Variants in MEGF8 observed in about 807,000 individuals in gnomAD.
MEGF8 encodes the protein multiple epidermal growth factor-like domains protein 8.
MEGF8 carries 156 observed loss-of-function variants against 302.9 expected under a neutral mutation model. The ratio of observed to expected loss-of-function variants is 0.52; its 90% CI spans 0.45 to 0.59. The LOEUF (loss-of-function observed/expected upper bound fraction) is 0.59. MEGF8 is among the 20% of genes least tolerant of loss of function. The probability of loss-of-function intolerance (pLI) is 0.00; values close to 1 mark genes in which losing one functional copy is unlikely to be tolerated. For synonymous variants in MEGF8, 1,621 were observed against 1,660.5 expected (o/e 0.98, Z 0.58); for missense variants, 3,345 against 3,964.5 (o/e 0.84, Z 4.20).
intron 31 of MEGF8, 92 bp from the exon 32 acceptor site, chr19:42,360,683 T>A: frequency 6.5e-7 from 1 of 1,526,728 alleles, no homozygotes; most frequent in South Asian, 1.2e-5. Context: ...TTCTCCTCTT[T>A]CCCTGCATCC....
At chr19:42,337,882 C>T (rs562708858) in intron 8 of MEGF8, among the ~76,000 whole-genome samples, 4 of 152,138 alleles carry the variant, frequency 2.6e-5, no homozygotes, top group Non-Finnish European at 2.9e-5. Flanking sequence ...CAGCTCACTG[C>T]GACCTCCACC....
Position 42,370,817 on chromosome 19 carries a change from C to G in MEGF8, c.7122C>G (p.Asp2374Glu), listed in dbSNP as rs765312333. 1.0e-6 allele frequency: 1 copy of G among 959,096 alleles called. No individual in the cohort carries two copies. The allele number at this position is 959,096 out of a possible 1,614,324, so 59.4% of individuals were successfully genotyped here. ...GCCTGCAGGGCTACTTCCTCCTGGA[C>G]GGGAAGTGCACCAAGTAAGAGGAAC... ...ESCLQGYFLL[D>E]GKCTKCQCNG... Residue 2374 changes from aspartate (D) to glutamate (E), a missense_variant, in exon 40 of 42, where the codon GAC (aspartate) becomes GAG (glutamate). Coordinates refer to ENST00000251268, the MANE Select transcript of MEGF8 (RefSeq NM_001271938.2).
In MEGF8 at chr19:42,343,460, G is replaced by C. The variant is rs572959845; in HGVS notation, c.1514-17G>C. ...GCTGGGGGTCTAATAATGTCATTGG[G>C]GTCTCTATTCCCCTAGGCCGAGCAG... is the stretch of plus-strand genomic sequence containing the variant. On this transcript the variant is annotated splice_polypyrimidine_tract_variant and intron_variant, in intron 8 of 41. Coordinates refer to ENST00000251268, the MANE Select transcript of MEGF8 (RefSeq NM_001271938.2). 54 of 1,575,846 alleles carry C rather than the reference G, an allele frequency of 3.4e-5. 2 individuals carry two copies. The South Asian group carries it at 6.1e-4, about 18-fold the overall frequency.
chr19:42,355,743 C>G lies in MEGF8; in HGVS notation c.4145-15C>G. 6.4e-7 allele frequency: 1 copy of G among 1,556,524 alleles called. No homozygotes were observed. The highest frequency in any genetic ancestry group is 8.7e-7 in the Non-Finnish European group (1 of 1,145,610). On this transcript the variant is annotated splice_polypyrimidine_tract_variant and intron_variant, in intron 23 of 41. Coordinates refer to ENST00000251268, the MANE Select transcript of MEGF8 (RefSeq NM_001271938.2). The stretch of plus-strand genomic sequence containing the variant: ...ACGTGACTTTGCTACCAGCCTCTGG[C>G]CTCTCTCTTCACAGGGCTGCTCGTG...
Position 42,356,325 on chromosome 19 carries a change from C to T in MEGF8, c.4504-10C>T. On this transcript the variant is annotated splice_polypyrimidine_tract_variant and intron_variant, in intron 25 of 41. Transcript: ENST00000251268. This position sits in a 1 kb window ranked among gnomAD's most constrained non-coding sequence, Gnocchi z 5.2. Reference sequence around the variant, plus strand: ...CTAGCCTGATCCCCAATGTCCGCACCCACCCCTAGGACACTGCCAGCCGCT... The same window carrying T: ...CTAGCCTGATCCCCAATGTCCGCACTCACCCCTAGGACACTGCCAGCCGCT... 3 of 1,609,146 alleles carry T rather than the reference C, an allele frequency of 1.9e-6. No individual in the cohort carries two copies. Among genetic ancestry groups the T allele is most frequent in the African/African-American group, 1.3e-5 (1 of 74,918 alleles).
rs998329706 is a variant in MEGF8 at position 42,336,669 on chromosome 19, G to A, written c.1245-138G>A. 7.7e-7 allele frequency: 1 copy of A among 1,305,804 alleles called. No individual in the cohort carries two copies. The highest frequency in any genetic ancestry group is 1.0e-6 in the Non-Finnish European group (1 of 966,100). 80.9% of individuals were successfully genotyped at this position (1,305,804 alleles called of 1,614,324 possible). On this transcript the variant is annotated intron_variant, in intron 6 of 41. Transcript: ENST00000251268. This position sits in a 1 kb window ranked among gnomAD's most constrained non-coding sequence, Gnocchi z 4.8. ...AGATGACTCAGGGTCCTGCCCACAG[G>A]GAACTTCTAGTTTGGAGGGGACATA...
rs775919574 is a variant in MEGF8 at position 42,371,368 on chromosome 19, C to T, written c.7155C>T (p.His2385=). Residue 2385 remains histidine (H), a synonymous_variant, in exon 41 of 42, where the codon CAC becomes CAT. Coordinates refer to ENST00000251268, the MANE Select transcript of MEGF8 (RefSeq NM_001271938.2). The part of the protein sequence containing the change: ...GKCTKCQCNG[H]ADTCNEQDGT... ...TCCCCAGATGCCAGTGTAATGGCCA[C>T]GCGGACACATGTAACGAGCAGGATG... 5 of 1,613,764 alleles carry T rather than the reference C, an allele frequency of 3.1e-6. No homozygotes were observed. The highest frequency in any genetic ancestry group is 1.3e-5 in the African/African-American group (1 of 74,920).
rs1392086972 is a variant in MEGF8 at position 42,357,305 on chromosome 19, T to C, written c.4831-99T>C. On this transcript the variant is annotated intron_variant, in intron 27 of 41. Coordinates refer to ENST00000251268, the MANE Select transcript of MEGF8 (RefSeq NM_001271938.2). This position sits in a 1 kb window ranked among gnomAD's most constrained non-coding sequence, Gnocchi z 5.2. ...CCTGGGGGGGTCATTCCCTCCTTAGTACTTCAGGGAGGACTGTGGGGGGCT... is the reference window on the plus strand; with the variant it reads ...CCTGGGGGGGTCATTCCCTCCTTAGCACTTCAGGGAGGACTGTGGGGGGCT... The C allele has an allele frequency of 4.3e-6, 6 of 1,405,380 alleles. No individual in the cohort carries two copies. The East Asian group carries it at 1.4e-4, about 32-fold the overall frequency. 87.1% of individuals were successfully genotyped at this position (1,405,380 alleles called of 1,614,324 possible). A position where few individuals can be genotyped will look rare whatever the true frequency, so the allele number is the denominator to read the frequency against.
In MEGF8 at chr19:42,359,216, A is replaced by G. The variant is rs2039497537; in HGVS notation, c.5462A>G (p.Asn1821Ser). The G allele has an allele frequency of 1.3e-6, 2 of 1,589,136 alleles. No homozygotes were observed. Among genetic ancestry groups the G allele is most frequent in the African/African-American group, 2.7e-5 (2 of 73,402 alleles). ...SDVLLYQVNC[N>S]AWLLPDLTRS... ...GTTCTGCTCTACCAGGTCAACTGCA[A>G]TGCCTGGCTTCTGCCCGACCTCACC... The change falls in exon 31 of 42, where the codon AAT (asparagine) becomes AGT (serine). Residue 1821 changes from asparagine (N) to serine (S), a missense_variant. Asn to Ser is a conservative substitution (Grantham distance 46). Coordinates refer to ENST00000251268, the MANE Select transcript of MEGF8 (RefSeq NM_001271938.2).
In MEGF8 at chr19:42,344,279, C is replaced by G. The variant is rs2039255933; in HGVS notation, c.1789-162C>G. Among the ~76,000 whole-genome samples, 1 of 144,396 alleles carries G rather than the reference C, an allele frequency of 6.9e-6. No homozygotes were observed. The highest frequency in any genetic ancestry group is 1.5e-5 in the Non-Finnish European group (1 of 65,648). The allele number at this position is 144,396 out of a possible 152,430, so 94.7% of individuals were successfully genotyped here. On this transcript the variant is annotated intron_variant, in intron 10 of 41. Transcript: ENST00000251268. The surrounding 1 kb of genome is among the most constrained non-coding windows in gnomAD (Gnocchi z 4.5). ...GACCCTTTTGAGCCCGTGACCCCAT[C>G]CCCGCATCCCCCGTCCTCTGGATCT...
chr19:42,350,380 CCCAGGTG>C lies in MEGF8; in HGVS notation c.2735_2736+5del. The C allele has an allele frequency of 6.5e-7, 1 of 1,537,360 alleles. No individual in the cohort carries two copies. The highest frequency in any genetic ancestry group is 2.0e-5 in the Admixed American group (1 of 50,960). ...GAGCATCGGGACTGCCACGCCTGCA[CCCAGGTG>C]CCTGTGGGGCCACCAGGGGAGGTCA... On this transcript the variant is annotated splice_donor_variant and splice_donor_region_variant and coding_sequence_variant and intron_variant, in exon 15 of 42. Transcript: ENST00000251268. LOFTEE classifies it high-confidence loss of function.
At chr19:42,345,793 T>C (rs2039281086) in intron 12 of MEGF8, among the ~76,000 whole-genome samples, 1 of 152,240 alleles carries the variant, frequency 6.6e-6, no homozygotes, top group African/African-American at 2.4e-5. Context: ...TGTTTTCAAT[T>C]CTTGTGGCTG....
rs1261127187 is a variant in MEGF8 at position 42,356,676 on chromosome 19, G to T, written c.4623-98G>T. On this transcript the variant is annotated intron_variant, in intron 26 of 41. Transcript: ENST00000251268. This position sits in a 1 kb window ranked among gnomAD's most constrained non-coding sequence, Gnocchi z 5.2. ...ATGGCAAGAGGACTGTCATAGGAAG[G>T]TCACCCCAGGGGATGCGGGGACATC... The T allele has an allele frequency of 3.1e-6, 4 of 1,291,468 alleles. No individual in the cohort carries two copies. Among genetic ancestry groups the T allele is most frequent in the Admixed American group, 2.4e-5 (1 of 41,834 alleles). 80.0% of individuals were successfully genotyped at this position (1,291,468 alleles called of 1,614,324 possible).
intron 35 of MEGF8, among the ~76,000 whole-genome samples, chr19:42,367,009 C>T (rs2039615386): frequency 6.6e-6 from 1 of 152,188 alleles, no homozygotes; most frequent in South Asian, 2.1e-4. Context: ...GGTTGCTTTG[C>T]CTTTTCCTAA....
In MEGF8 at chr19:42,376,136, G is replaced by A. The variant is rs769869312; in HGVS notation, c.7899G>A (p.Ser2633=). 1.6e-5 allele frequency: 25 copies of A among 1,608,628 alleles called. No homozygotes were observed. The highest frequency in any genetic ancestry group is 1.6e-4 in the Middle Eastern group (1 of 6,082). The part of the protein sequence containing the change: ...SGPGANGSAD[S]QGLLFFRQDQ... ...CCGGCGCCAACGGCTCAGCCGACTC[G>A]CAGGGCCTGCTCTTCTTCCGGCAGG... is the stretch of plus-strand genomic sequence containing the variant. The change falls in exon 42 of 42, where the codon TCG becomes TCA. Residue 2633 remains serine (S), a synonymous_variant. Coordinates refer to ENST00000251268, the MANE Select transcript of MEGF8 (RefSeq NM_001271938.2). This position sits in a 1 kb window ranked among gnomAD's most constrained non-coding sequence, Gnocchi z 8.2.
At position 42,353,800 on chromosome 19, in the gene MEGF8, T is replaced by C; in HGVS notation, c.3787T>C (p.Cys1263Arg). ...PRAGGSCFRE[C>R]GGRALLTNVS... The stretch of plus-strand genomic sequence containing the variant: ...GGCCGGTGGTTCCTGCTTTCGGGAG[T>C]GTGGGGGTCGCGCCCTCCTCACCAA... Residue 1263 changes from cysteine to arginine, a missense_variant, in exon 22 of 42, where the codon TGT (cysteine) becomes CGT (arginine). Physicochemically the swap from Cys to Arg is radical, Grantham distance 180. Transcript: ENST00000251268. The surrounding 1 kb of genome is among the most constrained non-coding windows in gnomAD (Gnocchi z 6.1). 6.2e-7 allele frequency: 1 copy of C among 1,605,032 alleles called. No individual in the cohort carries two copies. Among genetic ancestry groups the C allele is most frequent in the Non-Finnish European group, 8.5e-7 (1 of 1,173,716 alleles).
intron 35 of MEGF8, among the ~76,000 whole-genome samples, chr19:42,367,199 C>G (rs577824383): frequency 6.6e-6 from 1 of 152,278 alleles, no homozygotes; most frequent in South Asian, 2.1e-4. Flanking sequence ...CAGCCCCTAA[C>G]CAAGGACTCT....
chr19:42,364,287 G>GCACCC (rs1342832056), intron 35 of MEGF8, among the ~76,000 whole-genome samples: 12 of 151,966 alleles, frequency 7.9e-5, no homozygotes, highest in Non-Finnish European at 1.5e-4. Context: ...AAAGGCATTC[G>GCACCC]CACCCCACCC....
At chr19:42,363,352 C>T in intron 35 of MEGF8, 90 bp downstream of exon 35, 1 of 1,035,614 alleles carries the variant, frequency 9.7e-7, no homozygotes, top group Non-Finnish European at 1.4e-6. Context: ...TCCACCATCT[C>T]CTCCACCCTC....
Sources: gnomAD v4.1 joint callset for allele counts (sites outside exome capture counted in the v4.1 genomes callset) on GRCh38, gnomAD v4.1.1 for gene constraint, Gnocchi (gnomAD v3.1) non-coding constraint, MANE v1.5 for transcripts, NCBI Gene and HGNC (gene_info 2026-07-23, HGNC 2026-07-21) for gene names.